Variants in GLI3 observed in about 807,000 individuals in gnomAD.
GLI3 encodes GLI family zinc finger 3.
Under a neutral mutation model 100.8 loss-of-function variants are expected in GLI3, and 20 were observed. That is an observed-to-expected ratio of 0.20 (90% CI 0.14 to 0.29). The LOEUF is 0.29. Among genes scored for constraint, GLI3 ranks in the 10% least tolerant of loss-of-function variants. GLI3 has a pLI of 1.00. For synonymous variants in GLI3, 938 were observed against 860.5 expected (o/e 1.09, Z -1.58); for missense variants, 2,040 against 2,128.5 (o/e 0.96, Z 0.82).
At chr7:42,065,983 T>C (rs542454743) in intron 4 of GLI3, among the ~76,000 whole-genome samples, 4 of 152,314 alleles carry the variant, frequency 2.6e-5, no homozygotes, top group African/African-American at 9.6e-5. Context: ...TAGCAAGCAC[T>C]CTGCTTGGCA....
upstream of GLI3, among the ~76,000 whole-genome samples, chr7:42,242,839 T>A (rs558661517): frequency 2.2e-4 from 34 of 152,354 alleles, 1 homozygote; most frequent in South Asian, 7.0e-3. Flanking sequence ...TGAGGAATTT[T>A]GGTGAATACA....
chr7:41,982,428 C>G (rs1290905879), intron 10 of GLI3, among the ~76,000 whole-genome samples: 6 of 152,114 alleles, frequency 3.9e-5, no homozygotes, highest in African/African-American at 1.4e-4. Context: ...CTTTAAAAAG[C>G]TGCATTGGGC....
intron 10 of GLI3, among the ~76,000 whole-genome samples, chr7:41,996,972 T>G (rs1304013665): frequency 6.6e-6 from 1 of 152,258 alleles, no homozygotes; most frequent in Non-Finnish European, 1.5e-5. Flanking sequence ...CTTGATTTCC[T>G]GTGCAAGCCC....
At chr7:42,143,543 C>T (rs1278988102) in intron 3 of GLI3, among the ~76,000 whole-genome samples, 3 of 152,156 alleles carry the variant, frequency 2.0e-5, no homozygotes, top group African/African-American at 7.2e-5. Context: ...TGGAAAGTCA[C>T]CTAATATAAA....
At chr7:41,968,729 A>AAAG (rs1371007078) in intron 13 of GLI3, among the ~76,000 whole-genome samples, 70 of 107,440 alleles carry the variant, frequency 6.5e-4, no homozygotes, top group African/African-American at 3.7e-3. Context: ...AGAAAGAAAG[A>AAAG]AAGAAAGAAA....
At chr7:42,026,534 A>AG in intron 7 of GLI3, 122 bp from the exon 8 acceptor site, 1 of 792,428 alleles carries the variant, frequency 1.3e-6, no homozygotes, top group Non-Finnish European at 2.1e-6. Context: ...TTAAATGAGA[A>AG]GGTAGGATTA....
At chr7:42,018,745 A>G (rs1363354929) in intron 10 of GLI3, among the ~76,000 whole-genome samples, 1 of 152,242 alleles carries the variant, frequency 6.6e-6, no homozygotes, top group Non-Finnish European at 1.5e-5. Flanking sequence ...AATTCGCAGC[A>G]TATGAAAGCA....
At chr7:42,005,561 C>A (rs1788438181) in intron 10 of GLI3, among the ~76,000 whole-genome samples, 1 of 151,120 alleles carries the variant, frequency 6.6e-6, no homozygotes. Context: ...GAACACGGTG[C>A]TGCCTTTTGT....
chr7:42,028,721 G>A lies in GLI3; in HGVS notation c.1029-2309C>T, dbSNP rs535258589. ...GGAGGTTGCGGTGAGCCAAGATCGC[G>A]CCACTGCACTCCAGCCTGGGTGACA... On this transcript the variant is annotated intron_variant, in intron 7 of 14. Transcript: ENST00000395925. Among the ~76,000 whole-genome samples the A allele has an allele frequency of 3.9e-3, 591 of 151,608 alleles. 7 individuals carry two copies. Among genetic ancestry groups the A allele is most frequent in the African/African-American group, 0.013 (523 of 41,340 alleles).
chr7:42,064,612 T>C (rs1172041260), intron 4 of GLI3, among the ~76,000 whole-genome samples: 1 of 152,164 alleles, frequency 6.6e-6, no homozygotes, highest in East Asian at 1.9e-4. Flanking sequence ...CAACATATTA[T>C]TGGGTGGGGA....
chr7:42,029,747 T>G (rs905254761), intron 7 of GLI3, among the ~76,000 whole-genome samples: 2 of 152,096 alleles, frequency 1.3e-5, no homozygotes, highest in African/African-American at 4.8e-5. Flanking sequence ...TGTCACCTCC[T>G]CAGAGGGGCC....
intron 2 of GLI3, among the ~76,000 whole-genome samples, chr7:42,195,597 C>T (rs981649845): frequency 2.6e-5 from 4 of 152,192 alleles, no homozygotes; most frequent in African/African-American, 9.7e-5. Context: ...CCAGTGCCCC[C>T]ACTAGGTCCT....
At chr7:42,240,207 C>T (rs936390071), upstream of GLI3, among the ~76,000 whole-genome samples, 1 of 152,154 alleles carries the variant, frequency 6.6e-6, no homozygotes, top group East Asian at 1.9e-4. Context: ...TGACTTATTG[C>T]CATCTCTCAT....
chr7:42,071,605 T>C (rs1784785805), intron 4 of GLI3, among the ~76,000 whole-genome samples: 1 of 152,176 alleles, frequency 6.6e-6, no homozygotes, highest in South Asian at 2.1e-4. Flanking sequence ...ACGTGCTAAA[T>C]TTAGGGGAGG....
At chr7:42,145,680 G>T in intron 3 of GLI3, 1 of 396,830 alleles carries the variant, frequency 2.5e-6, no homozygotes, top group South Asian at 1.3e-4. Context: ...TCACAAACAT[G>T]ACTTAGAGAG....
intron 10 of GLI3, among the ~76,000 whole-genome samples, chr7:41,994,641 T>A (rs900680121): frequency 6.6e-6 from 1 of 152,228 alleles, no homozygotes; most frequent in Non-Finnish European, 1.5e-5. Flanking sequence ...TTCTTGAATT[T>A]GAGCCATTTC....
At chr7:42,198,773 C>A (rs1787979878) in intron 2 of GLI3, among the ~76,000 whole-genome samples, 1 of 150,894 alleles carries the variant, frequency 6.6e-6, no homozygotes, top group South Asian at 2.1e-4. Flanking sequence ...CACACACATA[C>A]ACACACACAC....
chr7:42,047,808 T>C (rs973451130), intron 5 of GLI3, among the ~76,000 whole-genome samples: 4 of 152,216 alleles, frequency 2.6e-5, no homozygotes, highest in African/African-American at 4.8e-5. Context: ...TCATGTGGCA[T>C]GGTCAAGAAT....
At position 42,040,442 on chromosome 7, in the gene GLI3, G is replaced by A. The variant is rs1335981403; in HGVS notation, c.827-203C>T. Among the ~76,000 whole-genome samples the A allele has an allele frequency of 3.9e-5, 6 of 152,276 alleles. No homozygotes were observed. In the South Asian group the frequency reaches 1.0e-3, roughly 26 times the overall value. On this transcript the variant is annotated intron_variant, in intron 6 of 14. Coordinates refer to ENST00000395925, the MANE Select transcript of GLI3 (RefSeq NM_000168.6). ...TTTGTCTTCCAGGGGCTTACCTCGGGGGAGCTCTGTTTATTAATGTGCAGG... is the reference window on the plus strand; with the variant it reads ...TTTGTCTTCCAGGGGCTTACCTCGGAGGAGCTCTGTTTATTAATGTGCAGG...
Sources: gnomAD v4.1 joint callset for allele counts (sites outside exome capture counted in the v4.1 genomes callset) on GRCh38, gnomAD v4.1.1 for gene constraint, MANE v1.5 for transcripts, NCBI Gene and HGNC (gene_info 2026-07-23, HGNC 2026-07-21) for gene names.